Variants in SLC9A9 observed in about 807,000 individuals in gnomAD.
SLC9A9 encodes the protein sodium/hydrogen exchanger 9.
A neutral mutation model predicts 77.8 loss-of-function variants in SLC9A9; 62 were observed. That is an observed-to-expected ratio of 0.80 (90% CI 0.65 to 0.98). The LOEUF (loss-of-function observed/expected upper bound fraction) is 0.98, where lower values mean the gene tolerates loss of function less well. Among genes scored for constraint, SLC9A9 ranks in the 50% least tolerant of loss-of-function variants. The pLI, the probability that SLC9A9 is intolerant of heterozygous loss-of-function variation, is 0.00. For synonymous variants in SLC9A9, 320 were observed against 283.5 expected (o/e 1.13, Z -1.29); for missense variants, 775 against 774.9 (o/e 1.00, Z 0.00).
At chr3:143,694,728 T>C (rs1399517086) in intron 4 of SLC9A9, among the ~76,000 whole-genome samples, 1 of 152,210 alleles carries the variant, frequency 6.6e-6, no homozygotes, top group Non-Finnish European at 1.5e-5. Context: ...ACCATCACAC[T>C]GTATTGCTTA....
intron 12 of SLC9A9, among the ~76,000 whole-genome samples, chr3:143,458,248 C>CAG (rs1365978102): frequency 6.6e-6 from 1 of 151,996 alleles, no homozygotes; most frequent in African/African-American, 2.4e-5. Flanking sequence ...ATAGCCACTC[C>CAG]AGCTTCATTT....
intron 12 of SLC9A9, among the ~76,000 whole-genome samples, chr3:143,417,669 G>A (rs1340552358): frequency 6.6e-6 from 1 of 151,986 alleles, no homozygotes; most frequent in Non-Finnish European, 1.5e-5. Context: ...AGCAAGTCAG[G>A]AGGAGAGCCC....
intron 14 of SLC9A9, among the ~76,000 whole-genome samples, chr3:143,321,285 C>T (rs2031410745): frequency 6.6e-6 from 1 of 152,222 alleles, no homozygotes; most frequent in South Asian, 2.1e-4. Flanking sequence ...CTATGACCTC[C>T]ACTGCGGAGC....
chr3:143,534,521 C>T (rs1290982000), intron 9 of SLC9A9, among the ~76,000 whole-genome samples: 6 of 152,170 alleles, frequency 3.9e-5, no homozygotes, highest in Non-Finnish European at 5.9e-5. Context: ...GGCAATGATG[C>T]TGCTTGGATA....
chr3:143,752,851 G>C (rs2006782696), intron 4 of SLC9A9, among the ~76,000 whole-genome samples: 1 of 152,092 alleles, frequency 6.6e-6, no homozygotes, highest in South Asian at 2.1e-4. Flanking sequence ...AAAAGAAGTG[G>C]CTCCTTAGAG....
At chr3:143,329,395 C>G (rs1350107661) in intron 14 of SLC9A9, among the ~76,000 whole-genome samples, 1 of 152,182 alleles carries the variant, frequency 6.6e-6, no homozygotes, top group African/African-American at 2.4e-5. Flanking sequence ...AGAACCCGTA[C>G]AGGTAATTCT....
intron 14 of SLC9A9, among the ~76,000 whole-genome samples, chr3:143,284,779 C>G (rs192107573): frequency 6.6e-6 from 1 of 152,054 alleles, no homozygotes; most frequent in African/African-American, 2.4e-5. Context: ...TTATGGGAAC[C>G]AGCCTGCAAT....
chr3:143,355,859 ATTTT>A (rs894209804), intron 14 of SLC9A9, among the ~76,000 whole-genome samples: 3 of 152,202 alleles, frequency 2.0e-5, no homozygotes, highest in Non-Finnish European at 4.4e-5. Context: ...AAAGGAATTT[ATTTT>A]ATCCACTCTA....
chr3:143,536,314 A>G (rs1400375723), intron 9 of SLC9A9, among the ~76,000 whole-genome samples: 1 of 152,124 alleles, frequency 6.6e-6, no homozygotes, highest in East Asian at 1.9e-4. Flanking sequence ...ACCCATGTAA[A>G]TTACTTATTC....
At chr3:143,737,131 G>A (rs958518163) in intron 4 of SLC9A9, among the ~76,000 whole-genome samples, 7 of 152,166 alleles carry the variant, frequency 4.6e-5, no homozygotes, top group African/African-American at 1.7e-4. Flanking sequence ...CACATGTTAA[G>A]ATTTGTTCTT....
intron 14 of SLC9A9, among the ~76,000 whole-genome samples, chr3:143,301,548 G>A (rs1418095888): frequency 6.6e-6 from 1 of 152,186 alleles, no homozygotes; most frequent in East Asian, 1.9e-4. Context: ...GAATGGAATA[G>A]CTGGGTGTTA....
chr3:143,496,680 A>G (rs1410438446), intron 9 of SLC9A9, among the ~76,000 whole-genome samples: 1 of 152,228 alleles, frequency 6.6e-6, no homozygotes, highest in East Asian at 1.9e-4. Context: ...ACTGTCACCA[A>G]AATAACCAGA....
At chr3:143,622,823 A>AT (rs1490322140) in intron 6 of SLC9A9, among the ~76,000 whole-genome samples, 1 of 151,920 alleles carries the variant, frequency 6.6e-6, no homozygotes, top group Non-Finnish European at 1.5e-5. Flanking sequence ...AGACTGGCAA[A>AT]TTTGATAGAG....
At chr3:143,698,922 C>T (rs897703633) in intron 4 of SLC9A9, among the ~76,000 whole-genome samples, 9 of 152,350 alleles carry the variant, frequency 5.9e-5, no homozygotes, top group Admixed American at 3.9e-4. Context: ...CCAGGATCTA[C>T]ATGTGCTGGA....
chr3:143,400,582 G>A lies in SLC9A9; in HGVS notation c.1470-18468C>T, dbSNP rs114122253. Among the ~76,000 whole-genome samples, 1,208 of 152,120 alleles carry A rather than the reference G, an allele frequency of 7.9e-3. 16 individuals carry two copies. The highest frequency in any genetic ancestry group is 0.027 in the African/African-American group (1,130 of 41,492). ...GGATAAAGACTCCAAATTGGGTCCA[G>A]TGTATACTACTCGGGTGATAGGTGC... On this transcript the variant is annotated intron_variant, in intron 12 of 15. Coordinates refer to ENST00000316549, the MANE Select transcript of SLC9A9 (RefSeq NM_173653.4).
At chr3:143,422,443 T>G (rs1338054074) in intron 12 of SLC9A9, among the ~76,000 whole-genome samples, 3 of 152,206 alleles carry the variant, frequency 2.0e-5, no homozygotes, top group African/African-American at 7.2e-5. Context: ...TCACATCTTT[T>G]GCAGCAACAT....
rs548204124 is a variant in SLC9A9, at chr3:143,631,176, C to T, written c.755+21079G>A. 3.1e-4 allele frequency among the ~76,000 whole-genome samples: 47 copies of T among 152,134 alleles called. No individual in the cohort carries two copies. In the South Asian group the frequency reaches 5.8e-3, roughly 19 times the overall value. On this transcript the variant is annotated intron_variant, in intron 6 of 15. Coordinates refer to ENST00000316549, the MANE Select transcript of SLC9A9 (RefSeq NM_173653.4). Reference sequence around the variant, plus strand: ...TAACTCTAAATCCTTCAAATTAGTCCGCAAGTTACTGATGAGAGGCCAAGT... The same window carrying T: ...TAACTCTAAATCCTTCAAATTAGTCTGCAAGTTACTGATGAGAGGCCAAGT...
At chr3:143,394,918 G>A (rs566240992) in intron 12 of SLC9A9, among the ~76,000 whole-genome samples, 126 of 152,198 alleles carry the variant, frequency 8.3e-4, no homozygotes, top group African/African-American at 2.7e-3. Flanking sequence ...TTCAAGGAGA[G>A]CTACAAACCA....
intron 6 of SLC9A9, among the ~76,000 whole-genome samples, chr3:143,624,487 G>T (rs945639777): frequency 5.9e-5 from 9 of 152,040 alleles, no homozygotes; most frequent in Admixed American, 1.3e-4. Flanking sequence ...ACATAATCCA[G>T]CATATAAACA....
Sources: gnomAD v4.1 joint callset for allele counts (sites outside exome capture counted in the v4.1 genomes callset) on GRCh38, gnomAD v4.1.1 for gene constraint, MANE v1.5 for transcripts, NCBI Gene and HGNC (gene_info 2026-07-23, HGNC 2026-07-21) for gene names.